The following NRXN3 variants were observed in gnomAD, a reference collection of about 807,000 sequenced individuals.
NRXN3 encodes neurexin 3, also known as neurexin III.
A neutral mutation model predicts 137.6 loss-of-function variants in NRXN3; 32 were observed. The observed-to-expected ratio is 0.23, with a 90% CI of 0.18 to 0.31. The LOEUF (loss-of-function observed/expected upper bound fraction) is 0.31, where lower values mean the gene tolerates loss of function less well. Ranked by LOEUF, NRXN3 falls within the 10% of genes least tolerant of loss-of-function variation. The pLI is 1.00. For missense variants in NRXN3, 1,574 were observed against 2,062.5 expected (o/e 0.76, Z 4.59); for synonymous variants, 798 against 784.5 (o/e 1.02, Z -0.29).
At chr14:78,645,860 T>C (rs1274549979) in intron 5 of NRXN3, among the ~76,000 whole-genome samples, 1 of 152,218 alleles carries the variant, frequency 6.6e-6, no homozygotes, top group African/African-American at 2.4e-5. Flanking sequence ...ATTGCCACGA[T>C]GCCATAATTT....
chr14:78,345,645 C>T (rs932875927), intron 4 of NRXN3, among the ~76,000 whole-genome samples: 2 of 151,998 alleles, frequency 1.3e-5, no homozygotes, highest in African/African-American at 2.4e-5. Context: ...TTCTCAGTCT[C>T]GATGGATATA....
At chr14:78,568,699 G>A (rs1441994633) in intron 4 of NRXN3, among the ~76,000 whole-genome samples, 1 of 152,124 alleles carries the variant, frequency 6.6e-6, no homozygotes, top group East Asian at 1.9e-4. Context: ...TGTTAGCCAG[G>A]TTTTTTACTG....
intron 11 of NRXN3, among the ~76,000 whole-genome samples, chr14:78,965,800 T>C (rs1223957457): frequency 6.6e-6 from 1 of 152,134 alleles, no homozygotes; most frequent in Non-Finnish European, 1.5e-5. Context: ...TTTCCCCTTA[T>C]ATGATGAGCC....
chr14:78,214,624 G>T (rs576892984), intron 1 of NRXN3, among the ~76,000 whole-genome samples: 2 of 152,152 alleles, frequency 1.3e-5, no homozygotes, highest in Admixed American at 1.3e-4. Context: ...GTGGATATTC[G>T]ATCAGTAAAA....
chr14:79,144,509 T>C (rs1214380138), intron 15 of NRXN3, among the ~76,000 whole-genome samples: 1 of 152,174 alleles, frequency 6.6e-6, no homozygotes, highest in Non-Finnish European at 1.5e-5. Flanking sequence ...AATATATTGT[T>C]TACCACCCAT....
chr14:79,442,132 A>G (rs1291875660), intron 15 of NRXN3, among the ~76,000 whole-genome samples: 8 of 152,208 alleles, frequency 5.3e-5, no homozygotes. Flanking sequence ...GTGTAATGAC[A>G]GAACAAGGAG....
intron 15 of NRXN3, among the ~76,000 whole-genome samples, chr14:79,146,040 G>GT (rs1172595540): frequency 2.0e-5 from 3 of 152,084 alleles, no homozygotes; most frequent in Admixed American, 6.6e-5. Context: ...TAAAATCTGT[G>GT]TTTTTTCCAT....
chr14:79,572,584 A>G (rs1473785931), intron 16 of NRXN3, among the ~76,000 whole-genome samples: 1 of 152,158 alleles, frequency 6.6e-6, no homozygotes, highest in African/African-American at 2.4e-5. Flanking sequence ...AAAATAGCAG[A>G]CTTTCCTTTA....
chr14:78,227,796 C>T (rs1458221320), intron 1 of NRXN3, among the ~76,000 whole-genome samples: 1 of 152,202 alleles, frequency 6.6e-6, no homozygotes, highest in Non-Finnish European at 1.5e-5. Flanking sequence ...TGCCTCAGGA[C>T]TGCGTCTCTA....
At chr14:78,751,713 G>T (rs181062066) in intron 8 of NRXN3, among the ~76,000 whole-genome samples, 1 of 149,660 alleles carries the variant, frequency 6.7e-6, no homozygotes, top group African/African-American at 2.4e-5. Context: ...GGGGACGGAA[G>T]GGGGAAGGAG....
At chr14:78,371,340 GGGCTTCCAGGAAA>G (rs1597888193) in intron 4 of NRXN3, among the ~76,000 whole-genome samples, 1 of 152,138 alleles carries the variant, frequency 6.6e-6, no homozygotes, top group East Asian at 1.9e-4. Context: ...GTCTCTGGCT[GGGCTTCCAGGAAA>G]GATTACTTTC....
At chr14:78,851,163 A>G (rs1417846430) in intron 10 of NRXN3, among the ~76,000 whole-genome samples, 1 of 152,190 alleles carries the variant, frequency 6.6e-6, no homozygotes, top group Non-Finnish European at 1.5e-5. Context: ...TATTATCAAA[A>G]TACACAAGTC....
Position 78,567,255 on chromosome 14 carries a change from T to C in NRXN3, c.758-77865T>C, listed in dbSNP as rs181123821. Among the ~76,000 whole-genome samples, 27 of 151,580 alleles carry C rather than the reference T, an allele frequency of 1.8e-4. No individual in the cohort carries two copies. In the East Asian group the frequency reaches 5.1e-3, roughly 28 times the overall value. On this transcript the variant is annotated intron_variant, in intron 4 of 20. Coordinates refer to ENST00000335750, the MANE Select transcript of NRXN3 (RefSeq NM_001330195.2). ...AAAAATATGCAAAGCCAGATGGGAG[T>C]GGGGAATATTGCCCATTAATGGGCA...
At chr14:79,470,919 T>TGG (rs1555467278) in intron 16 of NRXN3, among the ~76,000 whole-genome samples, 1 of 131,346 alleles carries the variant, frequency 7.6e-6, no homozygotes, top group African/African-American at 3.3e-5. Flanking sequence ...TGTGTGTGTG[T>TGG]GAGAGAGAGA....
Position 78,583,650 on chromosome 14 carries a change from T to C in NRXN3, c.758-61470T>C, listed in dbSNP as rs193163563. Among the ~76,000 whole-genome samples, 4 of 152,296 alleles carry C rather than the reference T, an allele frequency of 2.6e-5. No homozygotes were observed. The East Asian group carries it at 7.7e-4, about 29-fold the overall frequency. On this transcript the variant is annotated intron_variant, in intron 4 of 20. Transcript: ENST00000335750. The stretch of plus-strand genomic sequence containing the variant: ...CTGTCTGCAGAAATTAGAAATGAAA[T>C]AGAGTTGATTCTGGGTATGTCTGCA...
intron 4 of NRXN3, among the ~76,000 whole-genome samples, chr14:78,404,328 G>A (rs911200462): frequency 6.6e-6 from 1 of 152,052 alleles, no homozygotes; most frequent in Non-Finnish European, 1.5e-5. Flanking sequence ...ATTGGAGGAG[G>A]CAGCTATAGA....
intron 6 of NRXN3, among the ~76,000 whole-genome samples, chr14:78,694,057 A>C (rs2098200789): frequency 6.6e-6 from 1 of 151,940 alleles, no homozygotes; most frequent in South Asian, 2.1e-4. Flanking sequence ...GTCTCACCTT[A>C]GTACTCCATC....
At chr14:78,282,481 C>T in intron 3 of NRXN3, 1 of 213,024 alleles carries the variant, frequency 4.7e-6, no homozygotes, top group African/African-American at 2.2e-5. Flanking sequence ...GCTGATTAGA[C>T]CTGGAATTTA....
At chr14:78,273,040 T>G (rs35381962) in intron 2 of NRXN3, among the ~76,000 whole-genome samples, 1 of 152,220 alleles carries the variant, frequency 6.6e-6, no homozygotes, top group Non-Finnish European at 1.5e-5. Flanking sequence ...TGGGGCCCAG[T>G]GCTGCTTCCC....
Sources: gnomAD v4.1 joint callset for allele counts (sites outside exome capture counted in the v4.1 genomes callset) on GRCh38, gnomAD v4.1.1 for gene constraint, MANE v1.5 for transcripts, NCBI Gene and HGNC (gene_info 2026-07-23, HGNC 2026-07-21) for gene names.